VPS50: variants seen among roughly 807,000 people sequenced by gnomAD.
VPS50 encodes syndetin.
In VPS50, 70 loss-of-function variants were observed where a neutral mutation model predicts 139.7. The observed-to-expected ratio is 0.50, with a 90% CI of 0.41 to 0.61. The LOEUF (loss-of-function observed/expected upper bound fraction) is 0.61, where lower values mean the gene tolerates loss of function less well. Ranked by LOEUF, VPS50 falls within the 20% of genes least tolerant of loss-of-function variation. The probability of loss-of-function intolerance (pLI) is 0.00; values close to 1 mark genes in which losing one functional copy is unlikely to be tolerated. For missense variants in VPS50, 921 were observed against 1,133.7 expected (o/e 0.81, Z 2.69); for synonymous variants, 365 against 376.7 (o/e 0.97, Z 0.36).
chr7:93,275,538 A>G (rs550632139), intron 11 of VPS50, among the ~76,000 whole-genome samples: 9 of 152,246 alleles, frequency 5.9e-5, no homozygotes, highest in African/African-American at 1.9e-4. Context: ...AATTTTAGCA[A>G]TTTTTTAAAA....
At chr7:93,261,668 A>G (rs1002871920) in intron 9 of VPS50, among the ~76,000 whole-genome samples, 13 of 128,876 alleles carry the variant, frequency 1.0e-4, no homozygotes, top group Admixed American at 4.4e-4. Context: ...ACAGAGCGAG[A>G]CTCCGTCTCA....
chr7:93,280,748 C>G (rs1325942782), intron 12 of VPS50, among the ~76,000 whole-genome samples: 1 of 151,976 alleles, frequency 6.6e-6, no homozygotes, highest in Non-Finnish European at 1.5e-5. Context: ...AATTTTAGGA[C>G]AATGGAGTTG....
chr7:93,304,152 T>G (rs569150636), intron 17 of VPS50, among the ~76,000 whole-genome samples: 3 of 151,978 alleles, frequency 2.0e-5, no homozygotes, highest in African/African-American at 7.2e-5. Flanking sequence ...TGAAACACAT[T>G]GTAGATAAAT....
chr7:93,252,363 CTTTT>C lies in VPS50; in HGVS notation c.103-285_103-282del, dbSNP rs36078028. Among the ~76,000 whole-genome samples the C allele has an allele frequency of 5.9e-5, 9 of 151,822 alleles. No individual in the cohort carries two copies. The South Asian group carries it at 1.9e-3, about 32-fold the overall frequency. ...TATGTATGATATGTTTAGGTAGTCA[CTTTT>C]TTTTCTTTTGTTGGACATTAAAATT... On this transcript the variant is annotated intron_variant, in intron 2 of 27. Transcript: ENST00000305866.
intron 20 of VPS50, among the ~76,000 whole-genome samples, chr7:93,321,838 G>GT (rs1357220856): frequency 6.6e-6 from 1 of 151,858 alleles, no homozygotes; most frequent in African/African-American, 2.4e-5. Context: ...ATTCATCTTT[G>GT]TTTTTTTGTT....
At chr7:93,322,435 T>TA (rs1207451746) in intron 20 of VPS50, among the ~76,000 whole-genome samples, 1 of 150,802 alleles carries the variant, frequency 6.6e-6, no homozygotes, top group Non-Finnish European at 1.5e-5. Context: ...CCGTCTCTAC[T>TA]AAAAATACAA....
chr7:93,294,498 C>T (rs1796744633), intron 13 of VPS50, 47 bp from the exon 14 acceptor site: 1 of 1,440,008 alleles, frequency 6.9e-7, no homozygotes, highest in South Asian at 1.4e-5. Flanking sequence ...GGAAAACAAA[C>T]ACAAATTGGA....
intron 15 of VPS50, 128 bp from the exon 16 acceptor site, chr7:93,297,017 G>T: frequency 6.9e-7 from 1 of 1,451,568 alleles, no homozygotes; most frequent in African/African-American, 1.5e-5. Context: ...ATGGATTTGT[G>T]ATCTTTAGAA....
intron 22 of VPS50, among the ~76,000 whole-genome samples, chr7:93,340,292 AGTTTATATT>A (rs1798176853): frequency 6.6e-6 from 1 of 152,212 alleles, no homozygotes; most frequent in Non-Finnish European, 1.5e-5. Context: ...CACCAAAATA[AGTTTATATT>A]AAGTTAAATA....
At chr7:93,288,992 T>C (rs1796572233) in intron 12 of VPS50, among the ~76,000 whole-genome samples, 1 of 152,046 alleles carries the variant, frequency 6.6e-6, no homozygotes, top group Non-Finnish European at 1.5e-5. Flanking sequence ...TCAAGTACAT[T>C]GGCAGCCTTG....
intron 22 of VPS50, 123 bp from the exon 23 acceptor site, chr7:93,341,304 A>C: frequency 1.6e-6 from 1 of 613,406 alleles, no homozygotes; most frequent in Non-Finnish European, 2.8e-6. Flanking sequence ...AAAAGAACTG[A>C]ACCTAAATGT....
intron 2 of VPS50, among the ~76,000 whole-genome samples, chr7:93,240,248 C>CTCTCTCTCTCTG (rs1456955456): frequency 1.6e-5 from 2 of 122,530 alleles, no homozygotes; most frequent in East Asian, 5.2e-4. Flanking sequence ...CACACACACA[C>CTCTCTCTCTCTG]ACTCTCTCTC....
chr7:93,333,913 T>C (rs1184338933), intron 21 of VPS50: 1 of 506,960 alleles, frequency 2.0e-6, no homozygotes, highest in Non-Finnish European at 3.5e-6. Context: ...GTGTGTCCTA[T>C]AAATGCACAC....
intron 1 of VPS50, among the ~76,000 whole-genome samples, chr7:93,234,742 T>G (rs1375925044): frequency 6.6e-6 from 1 of 152,226 alleles, no homozygotes; most frequent in Non-Finnish European, 1.5e-5. Flanking sequence ...AATTAAGGTC[T>G]GTGAAATTTA....
intron 23 of VPS50, among the ~76,000 whole-genome samples, chr7:93,342,391 AC>A (rs1221033607): frequency 2.0e-5 from 3 of 152,204 alleles, no homozygotes; most frequent in African/African-American, 7.2e-5. Context: ...GGCGGCAGTG[AC>A]GCTGGGGGAG....
At chr7:93,254,594 A>G (rs1240111149) in intron 4 of VPS50, among the ~76,000 whole-genome samples, 1 of 152,206 alleles carries the variant, frequency 6.6e-6, no homozygotes, top group Non-Finnish European at 1.5e-5. Context: ...CTCAGAATTA[A>G]TGTCCCCCTG....
rs556838374 is a variant in VPS50, at chr7:93,354,182, A to G, written c.2585+421A>G. ...TAGGTACTATGATTCTGTTTTATCA[A>G]TGAGAAAACCTAGTCTCAGAAAACC... On this transcript the variant is annotated intron_variant, in intron 26 of 27. Transcript: ENST00000305866. 9.2e-5 allele frequency among the ~76,000 whole-genome samples: 14 copies of G among 152,316 alleles called. No individual in the cohort carries two copies. The South Asian group carries it at 1.0e-3, about 11-fold the overall frequency.
At chr7:93,348,878 TG>T in intron 24 of VPS50, 71 bp downstream of exon 24, 1 of 1,119,620 alleles carries the variant, frequency 8.9e-7, no homozygotes, top group Non-Finnish European at 1.3e-6. Flanking sequence ...TTAGATTTTT[TG>T]TTGTTTTTTT....
intron 9 of VPS50, among the ~76,000 whole-genome samples, chr7:93,262,535 T>G (rs759878520): frequency 2.6e-5 from 4 of 152,238 alleles, no homozygotes; most frequent in Non-Finnish European, 5.9e-5. Flanking sequence ...CATGTGATAA[T>G]AAGAAGAATT....
Sources: allele counts gnomAD v4.1 joint callset (sites outside exome capture counted in the v4.1 genomes callset), GRCh38; gene constraint gnomAD v4.1.1; transcripts MANE v1.5; gene names NCBI Gene and HGNC (gene_info 2026-07-23, HGNC 2026-07-21).